Variants in GRIA2 observed in about 807,000 individuals in gnomAD.
GRIA2 encodes glutamate receptor 2.
GRIA2 carries 14 observed loss-of-function variants against 97.3 expected under a neutral mutation model. The ratio of observed to expected loss-of-function variants is 0.14; its 90% CI spans 0.10 to 0.23. The LOEUF is 0.23. Ranked by LOEUF, GRIA2 falls within the 10% of genes least tolerant of loss-of-function variation. The pLI is 1.00. For synonymous variants in GRIA2, 412 were observed against 387.8 expected (o/e 1.06, Z -0.73); for missense variants, 558 against 1,069.8 (o/e 0.52, Z 6.67).
rs1341811666 is a variant in GRIA2, at chr4:157,256,198, TTAC to T, written c.229+34392_229+34394del. Among the ~76,000 whole-genome samples, 4 of 135,012 alleles carry T rather than the reference TTAC, an allele frequency of 3.0e-5. No individual in the cohort carries two copies. In the East Asian group the frequency reaches 8.1e-4, roughly 27 times the overall value. 88.6% of individuals were successfully genotyped at this position (135,012 alleles called of 152,430 possible). On this transcript the variant is annotated intron_variant, in intron 2 of 15. Transcript: ENST00000264426. ...TATTATATATAATATATAACATATATTACATATATATGTTATATATAATATATA... is the reference window on the plus strand; with the variant it reads ...TATTATATATAATATATAACATATATATATATATGTTATATATAATATATA...
At chr4:157,226,688 A>G (rs1729761740) in intron 2 of GRIA2, among the ~76,000 whole-genome samples, 1 of 152,126 alleles carries the variant, frequency 6.6e-6, no homozygotes, top group Admixed American at 6.5e-5. Flanking sequence ...TTACAATTAT[A>G]GAGTGTAAAT....
intron 2 of GRIA2, among the ~76,000 whole-genome samples, chr4:157,228,146 G>A (rs1343408611): frequency 6.6e-6 from 1 of 152,166 alleles, no homozygotes; most frequent in African/African-American, 2.4e-5. Context: ...TGTTCTTCAC[G>A]AAGTCTAGCT....
chr4:157,279,330 A>G (rs912618624), intron 2 of GRIA2, among the ~76,000 whole-genome samples: 2 of 152,152 alleles, frequency 1.3e-5, no homozygotes, highest in Admixed American at 1.3e-4. Context: ...TACTAAGTGA[A>G]CAAAACAATT....
At chr4:157,324,669 T>C (rs1734726922) in intron 6 of GRIA2, among the ~76,000 whole-genome samples, 1 of 152,086 alleles carries the variant, frequency 6.6e-6, no homozygotes, top group African/African-American at 2.4e-5. Flanking sequence ...AAAATGTAAA[T>C]ATTTGGGACC....
At chr4:157,237,480 G>T (rs974532383) in intron 2 of GRIA2, among the ~76,000 whole-genome samples, 1 of 151,832 alleles carries the variant, frequency 6.6e-6, no homozygotes, top group Admixed American at 6.6e-5. Context: ...TAGTCTGACT[G>T]TGTGGACCGG....
At chr4:157,342,291 G>T in intron 12 of GRIA2, 1 of 981,532 alleles carries the variant, frequency 1.0e-6, no homozygotes, top group South Asian at 4.7e-5. Context: ...CCTTCAAATG[G>T]CCATCAAAAT....
At chr4:157,254,797 G>A (rs911736903) in intron 2 of GRIA2, among the ~76,000 whole-genome samples, 3 of 151,956 alleles carry the variant, frequency 2.0e-5, no homozygotes, top group African/African-American at 7.2e-5. Flanking sequence ...TATAAGTAGA[G>A]GATACTCACT....
intron 2 of GRIA2, among the ~76,000 whole-genome samples, chr4:157,237,101 A>T (rs572071801): frequency 2.0e-4 from 30 of 152,004 alleles, no homozygotes; most frequent in East Asian, 9.7e-4. Flanking sequence ...TATTTTTTTT[A>T]AAAAACTGCC....
Position 157,305,128 on chromosome 4 carries a change from T to C in GRIA2, c.469+1337T>C, listed in dbSNP as rs534222217. On this transcript the variant is annotated intron_variant, in intron 3 of 15. Transcript: ENST00000264426. Reference sequence around the variant, plus strand: ...CTTATTAATGTGATAAAAGGGCTTATAAAACTGAGCTTATTAAATAATTTT... The same window carrying C: ...CTTATTAATGTGATAAAAGGGCTTACAAAACTGAGCTTATTAAATAATTTT... 9.2e-5 allele frequency among the ~76,000 whole-genome samples: 14 copies of C among 152,338 alleles called. No individual in the cohort carries two copies. The South Asian group carries it at 2.9e-3, about 32-fold the overall frequency.
At chr4:157,282,660 G>A (rs1041393390) in intron 2 of GRIA2, among the ~76,000 whole-genome samples, 3 of 152,052 alleles carry the variant, frequency 2.0e-5, no homozygotes, top group African/African-American at 7.2e-5. Flanking sequence ...CAGTTTGGTA[G>A]TACTAATTTT....
intron 2 of GRIA2, 53 bp downstream of exon 2, chr4:157,221,860 G>GT (rs1238861863): frequency 6.6e-7 from 1 of 1,520,880 alleles, no homozygotes. Flanking sequence ...AGGCCAGCGA[G>GT]TGTGAGTGTG....
intron 2 of GRIA2, among the ~76,000 whole-genome samples, chr4:157,262,348 C>T (rs1731579441): frequency 6.6e-6 from 1 of 152,042 alleles, no homozygotes. Flanking sequence ...CTTTCTGCAT[C>T]CCTGTCCTTC....
At chr4:157,304,347 A>G (rs974036457) in intron 3 of GRIA2, among the ~76,000 whole-genome samples, 1 of 152,164 alleles carries the variant, frequency 6.6e-6, no homozygotes, top group East Asian at 1.9e-4. Context: ...ACCATTCCAC[A>G]TAATTGTTTA....
chr4:157,312,432 A>G (rs577680898), intron 3 of GRIA2, among the ~76,000 whole-genome samples: 3 of 152,232 alleles, frequency 2.0e-5, no homozygotes, highest in African/African-American at 7.2e-5. Context: ...AGAAAAGGAT[A>G]TTATTTTCTA....
intron 4 of GRIA2, among the ~76,000 whole-genome samples, chr4:157,313,851 AAC>A (rs1171015770): frequency 6.6e-6 from 1 of 152,146 alleles, no homozygotes; most frequent in Non-Finnish European, 1.5e-5. Flanking sequence ...CCTTACAGAT[AAC>A]ACACAGTCAA....
intron 4 of GRIA2, among the ~76,000 whole-genome samples, chr4:157,315,788 C>G (rs1196352660): frequency 6.6e-6 from 1 of 152,146 alleles, no homozygotes; most frequent in Non-Finnish European, 1.5e-5. Flanking sequence ...ATCTGCCCGC[C>G]TTGGCCTCCC....
At chr4:157,271,683 C>T (rs1316150849) in intron 2 of GRIA2, among the ~76,000 whole-genome samples, 1 of 152,074 alleles carries the variant, frequency 6.6e-6, no homozygotes, top group East Asian at 1.9e-4. Flanking sequence ...TCGACTTAGT[C>T]TTCAGCCTCT....
At position 157,365,684 on chromosome 4, in the gene GRIA2, A is replaced by C. The variant is rs2127011305; in HGVS notation, c.*2253A>C. ...TAACGGTGCATCAATATATTGCTAT[A>C]TAAATATGTCTGTGTGCATATAAGT... is the stretch of plus-strand genomic sequence containing the variant. On this transcript the variant is annotated 3_prime_UTR_variant, in exon 16 of 16. Transcript: ENST00000264426. 1 of 152,134 alleles carries C rather than the reference A, an allele frequency of 6.6e-6. No homozygotes were observed. 9.4% of individuals were successfully genotyped at this position (152,134 alleles called of 1,614,324 possible).
At chr4:157,300,726 G>C (rs1430366345) in intron 2 of GRIA2, among the ~76,000 whole-genome samples, 1 of 152,158 alleles carries the variant, frequency 6.6e-6, no homozygotes, top group East Asian at 1.9e-4. Context: ...AGGTTCACTG[G>C]AGAATTAGCT....
Sources: gnomAD v4.1 joint callset for allele counts (sites outside exome capture counted in the v4.1 genomes callset) on GRCh38, gnomAD v4.1.1 for gene constraint, MANE v1.5 for transcripts, NCBI Gene and HGNC (gene_info 2026-07-23, HGNC 2026-07-21) for gene names.